MRPS27: variants seen among roughly 807,000 people sequenced by gnomAD.
MRPS27 encodes mitochondrial ribosomal protein S27, also known as small ribosomal subunit protein mS27.
In MRPS27, 43 loss-of-function variants were observed where a neutral mutation model predicts 48.9. The ratio of observed to expected loss-of-function variants is 0.88; its 90% confidence interval spans 0.69 to 1.13. MRPS27 has a LOEUF of 1.13. MRPS27 is among the 50% of genes most tolerant of loss of function. The pLI, the probability that MRPS27 is intolerant of heterozygous loss-of-function variation, is 0.00. For missense variants in MRPS27, 467 were observed against 476.3 expected, an observed-to-expected ratio of 0.98 and a Z score of 0.18; for synonymous variants, 188 against 171.9, an observed-to-expected ratio of 1.09 and a Z score of -0.73.
intron 4 of MRPS27, among the ~76,000 whole-genome samples, chr5:72,260,419 T>C (rs963852656): frequency 5.9e-5 from 9 of 152,374 alleles, no homozygotes; most frequent in Admixed American, 3.3e-4. Flanking sequence ...CGTTGATCTT[T>C]GTTTTTCCTA....
chr5:72,271,644 A>C (rs553139592), intron 4 of MRPS27, among the ~76,000 whole-genome samples: 1 of 152,214 alleles, frequency 6.6e-6, no homozygotes, highest in African/African-American at 2.4e-5. Context: ...TAATGAGACA[A>C]CTGACAAAAT....
intron 4 of MRPS27, among the ~76,000 whole-genome samples, chr5:72,289,040 T>C (rs1390966644): frequency 6.6e-6 from 1 of 152,228 alleles, no homozygotes; most frequent in Non-Finnish European, 1.5e-5. Flanking sequence ...GCTATTTTGG[T>C]CCTTCCTTTT....
At chr5:72,238,271 A>T in intron 4 of MRPS27, 143 bp from the exon 5 acceptor site, 1 of 600,288 alleles carries the variant, frequency 1.7e-6, no homozygotes, top group Non-Finnish European at 2.9e-6. Context: ...TAAAAACTTG[A>T]GAATGAAACT....
chr5:72,272,067 A>G (rs2112018859), intron 4 of MRPS27, among the ~76,000 whole-genome samples: 1 of 152,242 alleles, frequency 6.6e-6, no homozygotes, highest in East Asian at 1.9e-4. Flanking sequence ...GGTTGCAATG[A>G]AACACTGGGA....
intron 8 of MRPS27, chr5:72,227,360 ACTC>A (rs1419041541): frequency 6.6e-6 from 1 of 151,932 alleles, no homozygotes; most frequent in Non-Finnish European, 1.5e-5. Flanking sequence ...AGAGTGGTCA[ACTC>A]CTTTGTTAGT....
chr5:72,241,120 C>A (rs1414085142), intron 4 of MRPS27, among the ~76,000 whole-genome samples: 1 of 152,184 alleles, frequency 6.6e-6, no homozygotes, highest in African/African-American at 2.4e-5. Flanking sequence ...TCACTGCAGC[C>A]TTGAACTCTT....
At chr5:72,303,567 A>T (rs1273667489) in intron 2 of MRPS27, among the ~76,000 whole-genome samples, 1 of 152,174 alleles carries the variant, frequency 6.6e-6, no homozygotes, top group Non-Finnish European at 1.5e-5. Flanking sequence ...TATTTCAAAA[A>T]CGATGAATGA....
intron 4 of MRPS27, chr5:72,294,619 T>C (rs555201516): frequency 5.9e-5 from 9 of 152,322 alleles, no homozygotes; most frequent in African/African-American, 1.7e-4. Flanking sequence ...ATAAATGATG[T>C]TGCACTGAAC....
chr5:72,308,495 G>A (rs1014866877), intron 2 of MRPS27, among the ~76,000 whole-genome samples: 1 of 152,104 alleles, frequency 6.6e-6, no homozygotes, highest in African/African-American at 2.4e-5. Context: ...CCACATGCTG[G>A]GCGCGGCCCT....
At chr5:72,238,221 G>A in intron 4 of MRPS27, 93 bp from the exon 5 acceptor site, 2 of 784,198 alleles carry the variant, frequency 2.6e-6, no homozygotes, top group Non-Finnish European at 2.2e-6. Context: ...GATACTTACA[G>A]AGTGCAATGT....
At chr5:72,226,327 C>T in intron 8 of MRPS27, 128 bp from the exon 9 acceptor site, 1 of 1,120,564 alleles carries the variant, frequency 8.9e-7, no homozygotes, top group Non-Finnish European at 1.3e-6. Flanking sequence ...CATTTTAAAT[C>T]TGTACCAACA....
In MRPS27 at chr5:72,241,744, T is replaced by C; in HGVS notation, c.282-3616A>G. On this transcript the variant is annotated intron_variant, in intron 4 of 10. Coordinates refer to ENST00000261413, the MANE Select transcript of MRPS27 (RefSeq NM_015084.3). ...ACAACTAACACATTGATTTTCCAATTTGCCTGCAAACAGACTGGCTTTTGT... is the reference window on the plus strand; with the variant it reads ...ACAACTAACACATTGATTTTCCAATCTGCCTGCAAACAGACTGGCTTTTGT... The C allele has an allele frequency of 2.0e-6, 3 of 1,508,602 alleles. 1 individual carries two copies. Among genetic ancestry groups the C allele is most frequent in the Non-Finnish European group, 8.9e-7 (1 of 1,122,360 alleles). 93.5% of individuals were successfully genotyped at this position (1,508,602 alleles called of 1,614,324 possible). A position where few individuals can be genotyped will look rare whatever the true frequency, so the allele number is the denominator to read the frequency against.
At chr5:72,262,215 G>C (rs567259111) in intron 4 of MRPS27, among the ~76,000 whole-genome samples, 1 of 152,188 alleles carries the variant, frequency 6.6e-6, no homozygotes, top group South Asian at 2.1e-4. Flanking sequence ...TCTGATTCTT[G>C]GTTCTTATCT....
At position 72,240,096 on chromosome 5, in the gene MRPS27, T is replaced by C. The variant is rs114085888; in HGVS notation, c.282-1968A>G. 3.7e-3 allele frequency among the ~76,000 whole-genome samples: 568 copies of C among 152,314 alleles called. 1 individual carries two copies. Among genetic ancestry groups the C allele is most frequent in the African/African-American group, 0.013 (552 of 41,566 alleles). ...AGACAGAGACTGACTTGCTCAATAC[T>C]GATTCCTGTACTGACACAATTCTTG... On this transcript the variant is annotated intron_variant, in intron 4 of 10. Transcript: ENST00000261413.
At chr5:72,241,241 C>T (rs978895917) in intron 4 of MRPS27, among the ~76,000 whole-genome samples, 1 of 152,212 alleles carries the variant, frequency 6.6e-6, no homozygotes, top group African/African-American at 2.4e-5. Flanking sequence ...GATCCTCCCA[C>T]CTCGGCTTCC....
At chr5:72,274,102 C>G (rs1198570926) in intron 4 of MRPS27, among the ~76,000 whole-genome samples, 1 of 152,028 alleles carries the variant, frequency 6.6e-6, no homozygotes, top group Non-Finnish European at 1.5e-5. Context: ...GTCTATAATC[C>G]CAGCACTTTA....
At chr5:72,303,437 T>C (rs1750175867) in intron 2 of MRPS27, among the ~76,000 whole-genome samples, 1 of 152,128 alleles carries the variant, frequency 6.6e-6, no homozygotes, top group Non-Finnish European at 1.5e-5. Context: ...AGCAAAGATA[T>C]AGAAATATGA....
intron 9 of MRPS27, among the ~76,000 whole-genome samples, chr5:72,224,482 G>T (rs1300887527): frequency 2.0e-5 from 3 of 152,128 alleles, no homozygotes; most frequent in Non-Finnish European, 2.9e-5. Flanking sequence ...ATGCTTGATG[G>T]GCACTAAAGT....
chr5:72,271,261 C>T (rs1430541993), intron 4 of MRPS27, among the ~76,000 whole-genome samples: 3 of 152,080 alleles, frequency 2.0e-5, no homozygotes, highest in Admixed American at 6.6e-5. Context: ...CAATTACTAG[C>T]ATGAATAAGT....
Sources: gnomAD v4.1 joint callset for allele counts (sites outside exome capture counted in the v4.1 genomes callset) on GRCh38, gnomAD v4.1.1 for gene constraint, MANE v1.5 for transcripts, NCBI Gene and HGNC (gene_info 2026-07-23, HGNC 2026-07-21) for gene names.